The following TBC1D5 variants were observed in gnomAD, a reference collection of about 807,000 sequenced individuals.
TBC1D5 encodes TBC1 domain family, member 5.
A neutral mutation model predicts 100.3 loss-of-function variants in TBC1D5; 75 were observed. That is an observed-to-expected ratio of 0.75 (90% CI 0.62 to 0.91). The LOEUF (loss-of-function observed/expected upper bound fraction) is 0.91, where lower values mean the gene tolerates loss of function less well. Among genes scored for constraint, TBC1D5 ranks in the 40% least tolerant of loss-of-function variants. The pLI is 0.00. For missense variants in TBC1D5, 910 were observed against 942.4 expected (o/e 0.97, Z 0.45); for synonymous variants, 323 against 325.6 (o/e 0.99, Z 0.09).
intron 2 of TBC1D5, among the ~76,000 whole-genome samples, chr3:17,611,709 T>C (rs915060683): frequency 6.6e-6 from 1 of 152,066 alleles, no homozygotes; most frequent in Non-Finnish European, 1.5e-5. Flanking sequence ...GGAGTAACAA[T>C]GGGAGATGAG....
intron 1 of TBC1D5, among the ~76,000 whole-genome samples, chr3:17,728,066 C>T (rs1411293867): frequency 2.0e-5 from 3 of 152,080 alleles, no homozygotes; most frequent in African/African-American, 7.2e-5. Context: ...CCCAAAAAGG[C>T]ATTTGATAAC....
intron 2 of TBC1D5, among the ~76,000 whole-genome samples, chr3:17,548,170 C>A (rs1576638443): frequency 6.6e-6 from 1 of 152,194 alleles, no homozygotes; most frequent in South Asian, 2.1e-4. Context: ...AAAAAATCAG[C>A]CGGGCATGGT....
intron 2 of TBC1D5, among the ~76,000 whole-genome samples, chr3:17,567,203 T>C: frequency 6.6e-6 from 1 of 151,734 alleles, no homozygotes; most frequent in East Asian, 1.9e-4. Flanking sequence ...ATCTCAGACT[T>C]TTTATGCTCA....
At chr3:17,382,397 A>G (rs565818817) in intron 9 of TBC1D5, among the ~76,000 whole-genome samples, 1 of 152,170 alleles carries the variant, frequency 6.6e-6, no homozygotes, top group African/African-American at 2.4e-5. Context: ...CTAAATTTAA[A>G]ATAACTGTAT....
At chr3:17,620,898 T>C (rs2062606764) in intron 2 of TBC1D5, among the ~76,000 whole-genome samples, 1 of 152,180 alleles carries the variant, frequency 6.6e-6, no homozygotes, top group Non-Finnish European at 1.5e-5. Flanking sequence ...ACTAAGTAAT[T>C]ATGAGAACAG....
At chr3:17,279,213 C>T (rs1038981863) in intron 15 of TBC1D5, among the ~76,000 whole-genome samples, 9 of 152,124 alleles carry the variant, frequency 5.9e-5, no homozygotes, top group Admixed American at 1.3e-4. Flanking sequence ...CTTTTAAGTT[C>T]GTTAGCTGGA....
exon 13 of TBC1D5, chr3:17,372,094 C>G: frequency 6.2e-7 from 1 of 1,611,656 alleles, no homozygotes; most frequent in Non-Finnish European, 8.5e-7. Flanking sequence ...ATCTGTGGTG[C>G]AATTTCTAGT....
At chr3:17,206,029 G>C (rs1401313480) in intron 18 of TBC1D5, among the ~76,000 whole-genome samples, 4 of 152,082 alleles carry the variant, frequency 2.6e-5, no homozygotes, top group Non-Finnish European at 4.4e-5. Context: ...AACTACTTTA[G>C]ATGTGTCAGG....
At position 17,469,471 on chromosome 3, in the gene TBC1D5, G is replaced by A. The variant is rs569987951; in HGVS notation, c.97+39003C>T. 2.6e-3 allele frequency among the ~76,000 whole-genome samples: 396 copies of A among 151,528 alleles called. 1 individual carries two copies. The highest frequency in any genetic ancestry group is 4.4e-3 in the Non-Finnish European group (297 of 67,932). ...TTACTTTATGAGGGCCGTCCAGCCTGTAGACAATTCAATTAATCTTACAAG... is the reference window on the plus strand; with the variant it reads ...TTACTTTATGAGGGCCGTCCAGCCTATAGACAATTCAATTAATCTTACAAG... On this transcript the variant is annotated intron_variant, in intron 3 of 21. Coordinates refer to ENST00000253692, the Ensembl canonical transcript of TBC1D5.
intron 1 of TBC1D5, among the ~76,000 whole-genome samples, chr3:17,684,147 A>G (rs1282607793): frequency 6.6e-6 from 1 of 152,162 alleles, no homozygotes; most frequent in East Asian, 1.9e-4. Context: ...TAAAAAGAAA[A>G]TGCCATATCT....
At chr3:17,192,307 A>G (rs2070035970) in intron 18 of TBC1D5, among the ~76,000 whole-genome samples, 2 of 152,132 alleles carry the variant, frequency 1.3e-5, no homozygotes, top group South Asian at 4.1e-4. Context: ...TCTATACTCT[A>G]AACAAATCTG....
At chr3:17,416,718 C>T (rs957426909) in intron 4 of TBC1D5, among the ~76,000 whole-genome samples, 1 of 152,080 alleles carries the variant, frequency 6.6e-6, no homozygotes, top group Non-Finnish European at 1.5e-5. Flanking sequence ...TTGACTCTCC[C>T]TGTGGTTTCT....
intron 13 of TBC1D5, among the ~76,000 whole-genome samples, chr3:17,327,932 A>G (rs928422728): frequency 6.6e-6 from 1 of 152,116 alleles, no homozygotes; most frequent in African/African-American, 2.4e-5. Context: ...TATAAAATCT[A>G]GTAGAAATTA....
At chr3:17,223,732 G>A (rs2596670) in intron 17 of TBC1D5, among the ~76,000 whole-genome samples, 59,863 of 151,644 alleles carry the variant, frequency 0.39, 12,548 homozygotes, top group Middle Eastern at 0.49. Context: ...ATGGTGGTGC[G>A]TGCCTGTAGT....
intron 2 of TBC1D5, among the ~76,000 whole-genome samples, chr3:17,607,586 A>G (rs2061409584): frequency 6.6e-6 from 1 of 152,160 alleles, no homozygotes; most frequent in African/African-American, 2.4e-5. Context: ...GCAAATTCAT[A>G]ATGGGCCCTT....
In TBC1D5 at chr3:17,214,206, C is replaced by G. The variant is rs1483495321; in HGVS notation, c.1752+1G>C. 1 of 1,608,126 alleles carries G rather than the reference C, an allele frequency of 6.2e-7. No homozygotes were observed. The highest frequency in any genetic ancestry group is 8.5e-7 in the Non-Finnish European group (1 of 1,177,848). ...AGAGAAAACTGTCCTTAAATACTTA[C>G]AGATTCTTTTCTGCCCATAGTTTTG... On this transcript the variant is annotated splice_donor_variant, in intron 18 of 21. Coordinates refer to ENST00000253692, the Ensembl canonical transcript of TBC1D5. LOFTEE classifies it high-confidence loss of function.
intron 13 of TBC1D5, among the ~76,000 whole-genome samples, chr3:17,325,474 C>A (rs759084668): frequency 6.6e-6 from 1 of 152,058 alleles, no homozygotes; most frequent in Non-Finnish European, 1.5e-5. Flanking sequence ...CAGGCATGCG[C>A]CTCCATGCCC....
chr3:17,403,008 T>C (rs2093684245), intron 8 of TBC1D5, among the ~76,000 whole-genome samples, 173 bp downstream of exon 8: 1 of 152,114 alleles, frequency 6.6e-6, no homozygotes, highest in South Asian at 2.1e-4. Flanking sequence ...ATGTGTATCA[T>C]TAGAGTAGAA....
intron 2 of TBC1D5, among the ~76,000 whole-genome samples, chr3:17,620,400 A>T (rs902470207): frequency 6.6e-6 from 1 of 152,246 alleles, no homozygotes; most frequent in African/African-American, 2.4e-5. Context: ...AGTGGAAACT[A>T]CTTAAATGCG....
Sources: allele counts gnomAD v4.1 joint callset (sites outside exome capture counted in the v4.1 genomes callset), GRCh38; gene constraint gnomAD v4.1.1; transcripts MANE v1.5; gene names NCBI Gene and HGNC (gene_info 2026-07-23, HGNC 2026-07-21).